The following YWHAQ variants were observed in gnomAD, a reference collection of about 807,000 sequenced individuals.
YWHAQ encodes the protein 14-3-3 protein theta.
YWHAQ carries 6 observed loss-of-function variants against 28.3 expected under a neutral mutation model. The ratio of observed to expected loss-of-function variants is 0.21; its 90% CI spans 0.12 to 0.42. The LOEUF (loss-of-function observed/expected upper bound fraction) is 0.42, where lower values mean the gene tolerates loss of function less well. Ranked by LOEUF, YWHAQ falls within the 10% of genes least tolerant of loss-of-function variation. The pLI is 1.00. For missense variants in YWHAQ, 201 were observed against 305.6 expected (o/e 0.66, Z 2.55); for synonymous variants, 143 against 119.1 (o/e 1.20, Z -1.31).
chr2:9,598,458 GTT>G (rs979686115), intron 2 of YWHAQ, among the ~76,000 whole-genome samples: 1 of 152,006 alleles, frequency 6.6e-6, no homozygotes, highest in African/African-American at 2.4e-5. Context: ...ACTGTGGTGT[GTT>G]TTTGTTGTTT....
chr2:9,595,007 A>C (rs1024823883), intron 2 of YWHAQ, among the ~76,000 whole-genome samples: 6 of 152,164 alleles, frequency 3.9e-5, no homozygotes, highest in African/African-American at 1.4e-4. Context: ...AACTTTGACT[A>C]CTAGTTTGCA....
chr2:9,588,629 G>C (rs1666396581), intron 3 of YWHAQ, among the ~76,000 whole-genome samples: 1 of 152,126 alleles, frequency 6.6e-6, no homozygotes, highest in Non-Finnish European at 1.5e-5. Flanking sequence ...AAATTAGCCA[G>C]GCGTGATGGC....
At chr2:9,589,184 A>C (rs1013982246) in intron 3 of YWHAQ, among the ~76,000 whole-genome samples, 12 of 152,250 alleles carry the variant, frequency 7.9e-5, no homozygotes, top group Non-Finnish European at 1.3e-4. Context: ...TGGAAAAAAA[A>C]CATGAGATAT....
intron 2 of YWHAQ, among the ~76,000 whole-genome samples, chr2:9,614,399 T>C (rs1292688246): frequency 1.3e-5 from 2 of 152,244 alleles, no homozygotes; most frequent in Admixed American, 1.3e-4. Flanking sequence ...TTTTAGCTAC[T>C]GATTTGGGAA....
intron 2 of YWHAQ, among the ~76,000 whole-genome samples, chr2:9,629,697 T>C (rs1240915034): frequency 6.6e-6 from 1 of 152,160 alleles, no homozygotes; most frequent in African/African-American, 2.4e-5. Flanking sequence ...AAAGTATCTG[T>C]TCAGATTTTC....
intron 2 of YWHAQ, among the ~76,000 whole-genome samples, chr2:9,593,752 C>T (rs1666506030): frequency 6.6e-6 from 1 of 151,716 alleles, no homozygotes; most frequent in Non-Finnish European, 1.5e-5. Context: ...GGCTTAAACC[C>T]CGGGGGTGGA....
intron 2 of YWHAQ, among the ~76,000 whole-genome samples, chr2:9,598,978 C>T (rs1407585346): frequency 2.0e-5 from 3 of 152,110 alleles, no homozygotes; most frequent in South Asian, 2.1e-4. Context: ...ACAGCAATGT[C>T]GTAAGTGCAA....
intron 2 of YWHAQ, among the ~76,000 whole-genome samples, chr2:9,594,051 A>C (rs1666519953): frequency 6.6e-6 from 1 of 151,938 alleles, no homozygotes; most frequent in Non-Finnish European, 1.5e-5. Flanking sequence ...TCAGAAGTTT[A>C]TGCATTATAG....
Position 9,630,570 on chromosome 2 carries a change from A to G in YWHAQ, c.-82-36T>C, listed in dbSNP as rs959717266. 7.7e-6 allele frequency: 8 copies of G among 1,043,890 alleles called. No homozygotes were observed. The highest frequency in any genetic ancestry group is 1.7e-5 in the South Asian group (1 of 59,268). The allele number at this position is 1,043,890 out of a possible 1,614,324, so 64.7% of individuals were successfully genotyped here. A position where few individuals can be genotyped will look rare whatever the true frequency, so the allele number is the denominator to read the frequency against. On this transcript the variant is annotated intron_variant, in intron 1 of 5. Coordinates refer to ENST00000238081, the MANE Select transcript of YWHAQ (RefSeq NM_006826.4). This position sits in a 1 kb window ranked among gnomAD's most constrained non-coding sequence, Gnocchi z 5.6. ...GCGGGGCGGCGAGGCGAGAACAAAA[A>G]GCAGAGAGGGAGCGCCGTCAGACAA...
chr2:9,598,536 G>A (rs529859457), intron 2 of YWHAQ, among the ~76,000 whole-genome samples: 38 of 152,180 alleles, frequency 2.5e-4, no homozygotes, highest in African/African-American at 4.6e-4. Flanking sequence ...TTCCACCAGC[G>A]TGTGCTCAAC....
At chr2:9,613,994 G>T (rs1297326938) in intron 2 of YWHAQ, among the ~76,000 whole-genome samples, 3 of 152,190 alleles carry the variant, frequency 2.0e-5, no homozygotes, top group African/African-American at 7.2e-5. Flanking sequence ...GAAAATCAGA[G>T]TGTTTGTTCC....
intron 2 of YWHAQ, chr2:9,628,823 T>C (rs1667296740): frequency 6.6e-6 from 1 of 152,234 alleles, no homozygotes; most frequent in Non-Finnish European, 1.5e-5. Context: ...AACGAAGTTT[T>C]GACTTCATAA....
rs377495113 is a variant in YWHAQ at position 9,593,923 on chromosome 2, T to TATATATAC, written c.295-2409_295-2408insGTATATAT. 2.6e-3 allele frequency among the ~76,000 whole-genome samples: 355 copies of TATATATAC among 135,140 alleles called. 1 individual carries two copies. Among genetic ancestry groups the TATATATAC allele is most frequent in the Middle Eastern group, 0.012 (3 of 258 alleles). 88.7% of individuals were successfully genotyped at this position (135,140 alleles called of 152,430 possible). Reference sequence around the variant, plus strand: ...TAAAAAAAATATATATATATATATATACACACACACACACACACACTTTTT... The same window carrying TATATATAC: ...TAAAAAAAATATATATATATATATATATATATACACACACACACACACACACACTTTTT... On this transcript the variant is annotated intron_variant, in intron 2 of 5. Transcript: ENST00000238081.
At chr2:9,619,129 C>A (rs1414355363) in intron 2 of YWHAQ, among the ~76,000 whole-genome samples, 1 of 152,120 alleles carries the variant, frequency 6.6e-6, no homozygotes, top group Non-Finnish European at 1.5e-5. Context: ...AAGAAAACTA[C>A]AGTAGTTTCA....
At chr2:9,602,404 G>T (rs547592529) in intron 2 of YWHAQ, among the ~76,000 whole-genome samples, 2 of 152,238 alleles carry the variant, frequency 1.3e-5, no homozygotes, top group Non-Finnish European at 2.9e-5. Flanking sequence ...GACAGAGCAA[G>T]ACCCTGTCTC....
At chr2:9,604,995 A>T (rs1476926798) in intron 2 of YWHAQ, among the ~76,000 whole-genome samples, 1 of 152,222 alleles carries the variant, frequency 6.6e-6, no homozygotes, top group Non-Finnish European at 1.5e-5. Flanking sequence ...AATGGATGCA[A>T]CAGAAGTGGA....
At chr2:9,594,487 A>G (rs770788973) in intron 2 of YWHAQ, among the ~76,000 whole-genome samples, 1 of 152,132 alleles carries the variant, frequency 6.6e-6, no homozygotes, top group Non-Finnish European at 1.5e-5. Flanking sequence ...GGTATCTTTA[A>G]ATGAGTGGAT....
In YWHAQ at chr2:9,585,017, T is replaced by C; in HGVS notation, c.*269A>G. On this transcript the variant is annotated 3_prime_UTR_variant, in exon 6 of 6. Coordinates refer to ENST00000238081, the MANE Select transcript of YWHAQ (RefSeq NM_006826.4). Reference sequence around the variant, plus strand: ...ACTTAAATACCAGATACATTTTTAGTCCTCTACATAAGTGTTTGGGAGTTA... The same window carrying C: ...ACTTAAATACCAGATACATTTTTAGCCCTCTACATAAGTGTTTGGGAGTTA... 1 of 393,024 alleles carries C rather than the reference T, an allele frequency of 2.5e-6. No homozygotes were observed. Among genetic ancestry groups the C allele is most frequent in the Non-Finnish European group, 4.6e-6 (1 of 216,460 alleles). 24.3% of individuals were successfully genotyped at this position (393,024 alleles called of 1,614,324 possible).
chr2:9,608,739 A>G (rs1330080182), intron 2 of YWHAQ, among the ~76,000 whole-genome samples: 2 of 152,232 alleles, frequency 1.3e-5, no homozygotes, highest in Non-Finnish European at 2.9e-5. Context: ...ACTTGAGGTC[A>G]GGAGTTCGAA....
Sources: gnomAD v4.1 joint callset for allele counts (sites outside exome capture counted in the v4.1 genomes callset) on GRCh38, gnomAD v4.1.1 for gene constraint, Gnocchi (gnomAD v3.1) non-coding constraint, MANE v1.5 for transcripts, NCBI Gene and HGNC (gene_info 2026-07-23, HGNC 2026-07-21) for gene names.